Variants in PHF24 observed in about 807,000 individuals in gnomAD.
The protein encoded by PHF24 is PHD finger protein 24.
In PHF24, 25 loss-of-function variants were observed where a neutral mutation model predicts 42.6. The observed-to-expected ratio is 0.59, with a 90% CI of 0.43 to 0.82. The LOEUF (loss-of-function observed/expected upper bound fraction) is 0.82, where lower values mean the gene tolerates loss of function less well. PHF24 is among the 40% of genes least tolerant of loss of function. The probability of loss-of-function intolerance (pLI) is 0.00; values close to 1 mark genes in which losing one functional copy is unlikely to be tolerated. For synonymous variants in PHF24, 185 were observed against 204.8 expected (o/e 0.90, Z 0.83); for missense variants, 470 against 538.1 (o/e 0.87, Z 1.25).
the PHF24 span, among the ~76,000 whole-genome samples, chr9:34,667,387 TG>T: frequency 1.3e-5 from 2 of 152,228 alleles, no homozygotes; most frequent in Non-Finnish European, 2.9e-5. Flanking sequence ...GAGAGATCCA[TG>T]GGTGCTAGGT....
the PHF24 span, among the ~76,000 whole-genome samples, chr9:34,805,075 T>G: frequency 6.6e-6 from 1 of 152,260 alleles, no homozygotes; most frequent in African/African-American, 2.4e-5. Flanking sequence ...TTCCATTGTA[T>G]GGATATACCA....
the PHF24 span, among the ~76,000 whole-genome samples, chr9:34,897,726 A>G: frequency 3.4e-3 from 511 of 152,262 alleles, 1 homozygote; most frequent in South Asian, 0.018. Context: ...GTTTGGTTAC[A>G]TGAGTAAGTT....
the PHF24 span, among the ~76,000 whole-genome samples, chr9:34,749,851 T>C: frequency 6.7e-6 from 1 of 148,802 alleles, no homozygotes; most frequent in Admixed American, 6.8e-5. Context: ...AGGAACAACA[T>C]GTAATGGAGC....
chr9:34,729,375 T>C, the PHF24 span: 1 of 1,551,700 alleles, frequency 6.4e-7, no homozygotes, highest in Non-Finnish European at 8.7e-7. Context: ...GATGGAGCCA[T>C]AGATGTATAA....
chr9:34,947,038 T>C, the PHF24 span, among the ~76,000 whole-genome samples: 1 of 152,208 alleles, frequency 6.6e-6, no homozygotes, highest in Non-Finnish European at 1.5e-5. Context: ...TTAGAGAACT[T>C]TCCCCACTCT....
chr9:34,877,292 A>T, the PHF24 span, among the ~76,000 whole-genome samples: 3 of 152,012 alleles, frequency 2.0e-5, no homozygotes, highest in South Asian at 6.2e-4. Flanking sequence ...AAAAAAAAAA[A>T]AAAAGAAAAA....
At chr9:34,740,528 G>A in the PHF24 span, among the ~76,000 whole-genome samples, 6 of 152,224 alleles carry the variant, frequency 3.9e-5, no homozygotes, top group African/African-American at 7.2e-5. Context: ...CGGCTGCTCC[G>A]AGTGCAGGGC....
the PHF24 span, among the ~76,000 whole-genome samples, chr9:34,758,298 C>G: frequency 1.3e-5 from 2 of 152,212 alleles, no homozygotes; most frequent in South Asian, 4.1e-4. This position sits in a 1 kb window ranked among gnomAD's most constrained non-coding sequence, Gnocchi z 4.4. Flanking sequence ...GGACGTGTAG[C>G]TACTCCACCA....
chr9:34,928,536 C>T, the PHF24 span, among the ~76,000 whole-genome samples: 1 of 152,132 alleles, frequency 6.6e-6, no homozygotes, highest in South Asian at 2.1e-4. Context: ...TGAGCTAAAC[C>T]TTTCCTATCA....
chr9:34,747,191 G>T, the PHF24 span, among the ~76,000 whole-genome samples: 3 of 152,080 alleles, frequency 2.0e-5, no homozygotes, highest in African/African-American at 7.2e-5. Context: ...GGGGGGTGGG[G>T]GTTGTTTGAG....
the PHF24 span, among the ~76,000 whole-genome samples, chr9:34,930,239 G>A: frequency 2.6e-4 from 40 of 152,284 alleles, no homozygotes; most frequent in Middle Eastern, 6.8e-3. Flanking sequence ...CTCATGCTTC[G>A]GGTCTCTTGT....
At chr9:34,816,522 A>C in the PHF24 span, among the ~76,000 whole-genome samples, 2 of 152,130 alleles carry the variant, frequency 1.3e-5, no homozygotes, top group Admixed American at 1.3e-4. Context: ...CAAGATCAAG[A>C]TGCTGGCAGA....
the PHF24 span, among the ~76,000 whole-genome samples, chr9:34,672,391 T>C: frequency 5.3e-5 from 8 of 152,242 alleles, no homozygotes; most frequent in Non-Finnish European, 1.2e-4. Flanking sequence ...TTAAGGCTTC[T>C]AGTGGCCATA....
chr9:34,683,663 C>T, the PHF24 span, among the ~76,000 whole-genome samples: 2 of 152,214 alleles, frequency 1.3e-5, no homozygotes, highest in African/African-American at 2.4e-5. Context: ...CTAGGAAGAA[C>T]AAATCTGAGG....
the PHF24 span, among the ~76,000 whole-genome samples, chr9:34,764,531 G>T: frequency 6.6e-6 from 1 of 152,004 alleles, no homozygotes; most frequent in East Asian, 1.9e-4. Context: ...ATTTCTGTGG[G>T]ATCGGTGGTG....
At chr9:34,894,490 A>G in the PHF24 span, 1 of 398,650 alleles carries the variant, frequency 2.5e-6, no homozygotes, top group Non-Finnish European at 4.4e-6. Flanking sequence ...TCTTCCTGTG[A>G]AGTTCTCCTA....
the PHF24 span, chr9:34,917,648 C>G: frequency 3.9e-6 from 3 of 778,280 alleles, no homozygotes; most frequent in African/African-American, 1.7e-5. Flanking sequence ...CCCGGGGCCT[C>G]AGACTCCATA....
the PHF24 span, among the ~76,000 whole-genome samples, chr9:34,905,796 G>T: frequency 6.6e-6 from 1 of 152,206 alleles, no homozygotes; most frequent in African/African-American, 2.4e-5. Context: ...ATTTTACTCT[G>T]AGTGCATTTT....
chr9:34,888,776 T>C, the PHF24 span, among the ~76,000 whole-genome samples: 1 of 152,208 alleles, frequency 6.6e-6, no homozygotes, highest in African/African-American at 2.4e-5. Context: ...CTGCTTCTTA[T>C]ACTGTCGCCA....
Sources: gnomAD v4.1 joint callset for allele counts (sites outside exome capture counted in the v4.1 genomes callset) on GRCh38, gnomAD v4.1.1 for gene constraint, Gnocchi (gnomAD v3.1) non-coding constraint, MANE v1.5 for transcripts, NCBI Gene and HGNC (gene_info 2026-07-23, HGNC 2026-07-21) for gene names.